The following TTC27 variants were observed in gnomAD, a reference collection of about 807,000 sequenced individuals.
The protein encoded by TTC27 is tetratricopeptide repeat protein 27.
In TTC27, 79 loss-of-function variants were observed where a neutral mutation model predicts 115.9. That is an observed-to-expected ratio of 0.68 (90% CI 0.57 to 0.82). The LOEUF is 0.82. Ranked by LOEUF, TTC27 falls within the 40% of genes least tolerant of loss-of-function variation. The probability of loss-of-function intolerance (pLI) is 0.00; values close to 1 mark genes in which losing one functional copy is unlikely to be tolerated. For synonymous variants in TTC27, 401 were observed against 356.0 expected, an observed-to-expected ratio of 1.13 and a Z score of -1.42; for missense variants, 1,054 against 993.1, an observed-to-expected ratio of 1.06 and a Z score of -0.82.
At chr2:32,750,802 G>GGGGTGATACATCAAATGGATTTTTA (rs1558324001) in intron 12 of TTC27, among the ~76,000 whole-genome samples, 1 of 152,008 alleles carries the variant, frequency 6.6e-6, no homozygotes, top group African/African-American at 2.4e-5. Context: ...ATGGATTTTT[G>GGGGTGATACATCAAATGGATTTTTA]TAAATTCAAC....
At chr2:32,676,651 C>T (rs762126875) in intron 8 of TTC27, among the ~76,000 whole-genome samples, 4 of 151,818 alleles carry the variant, frequency 2.6e-5, no homozygotes, top group Non-Finnish European at 4.4e-5. Context: ...GCACCATGCC[C>T]AGCTAATTTT....
chr2:32,706,423 C>T (rs563203733), intron 10 of TTC27, among the ~76,000 whole-genome samples: 1 of 151,698 alleles, frequency 6.6e-6, no homozygotes, highest in South Asian at 2.1e-4. Context: ...AATTTTAGCC[C>T]ATTTGAATAA....
chr2:32,746,563 C>CAAAAAAAAAAAA (rs770621313), intron 12 of TTC27, among the ~76,000 whole-genome samples: 508 of 46,184 alleles, frequency 0.011, 37 homozygotes, highest in Non-Finnish European at 0.012. Context: ...AACTCCATCT[C>CAAAAAAAAAAAA]AAAAAAAAAA....
chr2:32,730,336 T>C (rs1668250157), intron 10 of TTC27, among the ~76,000 whole-genome samples: 1 of 152,252 alleles, frequency 6.6e-6, no homozygotes, highest in South Asian at 2.1e-4. Flanking sequence ...GTAGTTAAAC[T>C]ACTTGCTTGC....
intron 5 of TTC27, among the ~76,000 whole-genome samples, chr2:32,661,128 AT>A (rs1665532600): frequency 6.6e-6 from 1 of 152,158 alleles, no homozygotes; most frequent in Non-Finnish European, 1.5e-5. Flanking sequence ...ATTGGTCTAT[AT>A]ATCTGTTTTG....
intron 12 of TTC27, among the ~76,000 whole-genome samples, chr2:32,737,302 G>A (rs1244349676): frequency 6.6e-6 from 1 of 152,100 alleles, no homozygotes; most frequent in Non-Finnish European, 1.5e-5. Flanking sequence ...GGAAAATGTT[G>A]CAATATTTGC....
At chr2:32,798,451 C>T (rs187602302) in intron 16 of TTC27, among the ~76,000 whole-genome samples, 45 of 150,224 alleles carry the variant, frequency 3.0e-4, no homozygotes, top group African/African-American at 1.1e-3. Context: ...CGCCTGTAAT[C>T]CCAGAACTTT....
chr2:32,638,044 A>C (rs184957008), intron 3 of TTC27, among the ~76,000 whole-genome samples: 106 of 152,318 alleles, frequency 7.0e-4, no homozygotes, highest in African/African-American at 2.3e-3. Flanking sequence ...AGGTAGAGAG[A>C]TCTGTTTCCA....
intron 3 of TTC27, among the ~76,000 whole-genome samples, chr2:32,638,189 A>G (rs956964564): frequency 2.6e-5 from 4 of 152,216 alleles, no homozygotes; most frequent in Non-Finnish European, 5.9e-5. Flanking sequence ...TAAAAACTTG[A>G]TAATATTTCA....
At chr2:32,816,662 C>G (rs1193311326) in intron 18 of TTC27, among the ~76,000 whole-genome samples, 1 of 152,180 alleles carries the variant, frequency 6.6e-6, no homozygotes, top group Non-Finnish European at 1.5e-5. Context: ...CCTGCTGATG[C>G]CAAGCCTTGC....
intron 16 of TTC27, among the ~76,000 whole-genome samples, chr2:32,810,135 G>A (rs1174926782): frequency 1.3e-5 from 2 of 150,276 alleles, no homozygotes; most frequent in African/African-American, 2.5e-5. Flanking sequence ...AAAAAATGGT[G>A]AGCCAACCTG....
intron 10 of TTC27, among the ~76,000 whole-genome samples, chr2:32,716,996 G>T (rs931941832): frequency 7.9e-6 from 1 of 126,764 alleles, no homozygotes; most frequent in Admixed American, 8.7e-5. Context: ...ACCTGGCTCA[G>T]ATTTTTTTTT....
intron 10 of TTC27, among the ~76,000 whole-genome samples, chr2:32,720,088 C>T (rs1667873173): frequency 6.6e-6 from 1 of 152,184 alleles, no homozygotes; most frequent in Admixed American, 6.5e-5. Flanking sequence ...CTTACTTTCT[C>T]TCCTTACTGC....
intron 8 of TTC27, among the ~76,000 whole-genome samples, chr2:32,673,049 T>C (rs1354989494): frequency 6.6e-6 from 1 of 152,206 alleles, no homozygotes; most frequent in Admixed American, 6.5e-5. Flanking sequence ...CTAGAATATA[T>C]GTATTACATT....
At position 32,820,891 on chromosome 2, in the gene TTC27, G is replaced by T; in HGVS notation, c.2485G>T (p.Val829Leu). Residue 829 changes from valine to leucine, a missense_variant, in exon 20 of 20, where the codon GTG becomes TTG. Coordinates refer to ENST00000317907, the MANE Select transcript of TTC27 (RefSeq NM_017735.5). ...TGACATAACAGCTATGGACACCTTA[G>T]TGACAGAGCTCCAAGACCTAAGCAA... ...ADDITAMDTL[V>L]TELQDLSNQF... The T allele has an allele frequency of 6.5e-7, 1 of 1,537,588 alleles. No individual in the cohort carries two copies. The highest frequency in any genetic ancestry group is 8.8e-7 in the Non-Finnish European group (1 of 1,137,928).
At chr2:32,688,999 G>A (rs1337319443) in intron 9 of TTC27, among the ~76,000 whole-genome samples, 1 of 152,060 alleles carries the variant, frequency 6.6e-6, no homozygotes, top group East Asian at 1.9e-4. Context: ...AAACTGCCAT[G>A]TATCCCTCTC....
chr2:32,651,808 A>T (rs1306481379), intron 5 of TTC27, among the ~76,000 whole-genome samples: 1 of 152,232 alleles, frequency 6.6e-6, no homozygotes, highest in African/African-American at 2.4e-5. Context: ...CTAATCTTAG[A>T]TAAAATGACC....
chr2:32,710,194 T>C (rs1286145329), intron 10 of TTC27, among the ~76,000 whole-genome samples: 8 of 152,090 alleles, frequency 5.3e-5, no homozygotes, highest in Non-Finnish European at 1.2e-4. Flanking sequence ...GTATTTTTAG[T>C]AGGGTTGGGG....
At chr2:32,759,368 C>T (rs1462583297) in intron 13 of TTC27, among the ~76,000 whole-genome samples, 6 of 152,004 alleles carry the variant, frequency 3.9e-5, no homozygotes, top group African/African-American at 1.2e-4. Context: ...TGCTAGTATT[C>T]GAATCCAGAT....
Sources: allele counts gnomAD v4.1 joint callset (sites outside exome capture counted in the v4.1 genomes callset), GRCh38; gene constraint gnomAD v4.1.1; transcripts MANE v1.5; gene names NCBI Gene and HGNC (gene_info 2026-07-23, HGNC 2026-07-21).